Variants in SAMD3 observed in about 807,000 individuals in gnomAD.
The protein encoded by SAMD3 is sterile alpha motif domain-containing protein 3.
Under a neutral mutation model 58.5 loss-of-function variants are expected in SAMD3, and 63 were observed. The ratio of observed to expected loss-of-function variants is 1.08; its 90% CI spans 0.88 to 1.33. The LOEUF is 1.33. Among genes scored for constraint, SAMD3 ranks in the 40% most tolerant of loss-of-function variants. The pLI, the probability that SAMD3 is intolerant of heterozygous loss-of-function variation, is 0.00. For synonymous variants in SAMD3, 220 were observed against 210.3 expected, an observed-to-expected ratio of 1.05 and a Z score of -0.40; for missense variants, 604 against 608.4, an observed-to-expected ratio of 0.99 and a Z score of 0.08.
intron 1 of SAMD3, among the ~76,000 whole-genome samples, chr6:130,220,376 G>T (rs919102145): frequency 5.3e-5 from 8 of 152,194 alleles, no homozygotes; most frequent in African/African-American, 1.9e-4. Flanking sequence ...AAATAGCAAT[G>T]AGCCAGAGTC....
At chr6:130,253,762 G>A (rs1284395250) in intron 2 of SAMD3, among the ~76,000 whole-genome samples, 1 of 151,080 alleles carries the variant, frequency 6.6e-6, no homozygotes, top group Non-Finnish European at 1.5e-5. Flanking sequence ...TTTTTTGGTG[G>A]AGGGGGGTAT....
Position 130,145,340 on chromosome 6 carries a change from C to T in SAMD3, c.1278G>A (p.Gln426=). The T allele has an allele frequency of 6.3e-7, 1 of 1,588,516 alleles. No homozygotes were observed. The highest frequency in any genetic ancestry group is 8.6e-7 in the Non-Finnish European group (1 of 1,158,370). ...TAGTGGCCATTCACATACTACATAC[C>T]TGTTCATTCATGATGACAAAAAGGC... The part of the protein sequence containing the change: ...DPSLFVIMNE[Q]VQVSTPVLEV... The change falls in exon 11 of 12, where the codon CAG becomes CAA. Residue 426 remains glutamine, a splice_region_variant and synonymous_variant. Transcript: ENST00000439090.
At chr6:130,269,040 C>T (rs1774461587) in intron 2 of SAMD3, among the ~76,000 whole-genome samples, 1 of 152,100 alleles carries the variant, frequency 6.6e-6, no homozygotes. Context: ...TTGCCTAGCC[C>T]TAGTTCCCGA....
chr6:130,150,346 A>G (rs1483570701), intron 9 of SAMD3, among the ~76,000 whole-genome samples: 1 of 152,196 alleles, frequency 6.6e-6, no homozygotes, highest in Non-Finnish European at 1.5e-5. Context: ...ATCAGCATCC[A>G]GCATACAGTG....
chr6:130,226,805 G>A (rs113419765), upstream of SAMD3, among the ~76,000 whole-genome samples: 4,939 of 152,076 alleles, frequency 0.032, 114 homozygotes, highest in South Asian at 0.047. Context: ...TCCAGCCTGG[G>A]CGATAAGAGC....
intron 2 of SAMD3, among the ~76,000 whole-genome samples, chr6:130,296,032 C>T (rs777580048): frequency 2.0e-5 from 3 of 152,322 alleles, no homozygotes; most frequent in Middle Eastern, 3.4e-3. Flanking sequence ...CGCTTCTTCC[C>T]TTCCTCTTCA....
intron 2 of SAMD3, among the ~76,000 whole-genome samples, chr6:130,252,509 G>A (rs1180078368): frequency 1.3e-5 from 2 of 152,170 alleles, no homozygotes; most frequent in African/African-American, 4.8e-5. Context: ...ATAGCTCACT[G>A]GGGGGTGAAA....
intron 1 of SAMD3, among the ~76,000 whole-genome samples, chr6:130,344,687 C>A (rs1021086696): frequency 1.3e-5 from 2 of 152,042 alleles, no homozygotes; most frequent in Non-Finnish European, 2.9e-5. Context: ...TGGAGCCCAG[C>A]CATTCCCTGG....
chr6:130,363,821 A>G (rs888165864), intron 1 of SAMD3, among the ~76,000 whole-genome samples: 10 of 152,248 alleles, frequency 6.6e-5, no homozygotes, highest in African/African-American at 2.2e-4. Flanking sequence ...TTATGTGTGA[A>G]GTGCAGTGCT....
intron 6 of SAMD3, 89 bp from the exon 7 acceptor site, chr6:130,184,276 C>T: frequency 3.2e-6 from 4 of 1,250,066 alleles, no homozygotes; most frequent in South Asian, 2.9e-5. Context: ...CATTTTTCTT[C>T]ACATTTTTCT....
chr6:130,350,200 T>C (rs1371110265), intron 1 of SAMD3, among the ~76,000 whole-genome samples: 1 of 152,150 alleles, frequency 6.6e-6, no homozygotes, highest in Non-Finnish European at 1.5e-5. Context: ...CTATTCAACA[T>C]AGTGTTAGAA....
At chr6:130,329,708 A>C (rs1033969949) in intron 1 of SAMD3, among the ~76,000 whole-genome samples, 2 of 152,206 alleles carry the variant, frequency 1.3e-5, no homozygotes, top group Non-Finnish European at 2.9e-5. Flanking sequence ...AATGTGGCAC[A>C]TATATGTCAT....
At chr6:130,317,506 T>A (rs1426869781) in intron 1 of SAMD3, among the ~76,000 whole-genome samples, 1 of 152,198 alleles carries the variant, frequency 6.6e-6, no homozygotes, top group African/African-American at 2.4e-5. Flanking sequence ...AATGCTGTAA[T>A]AGGGTTCATT....
chr6:130,295,001 G>A (rs758912918), intron 2 of SAMD3, among the ~76,000 whole-genome samples: 3 of 127,024 alleles, frequency 2.4e-5, no homozygotes, highest in Non-Finnish European at 3.1e-5. Flanking sequence ...TCACCTTTCC[G>A]CAACCTCTGC....
At chr6:130,190,486 C>T (rs1353972997) in intron 5 of SAMD3, among the ~76,000 whole-genome samples, 1 of 151,206 alleles carries the variant, frequency 6.6e-6, no homozygotes, top group Non-Finnish European at 1.5e-5. Context: ...GAAAATTTAG[C>T]AAAGAAATAG....
chr6:130,264,646 T>C (rs1032929432), intron 2 of SAMD3, among the ~76,000 whole-genome samples: 2 of 152,222 alleles, frequency 1.3e-5, no homozygotes, highest in African/African-American at 2.4e-5. Flanking sequence ...CTGCAAGGAA[T>C]ACCAGATCAA....
chr6:130,267,618 C>T (rs991862033), intron 2 of SAMD3, among the ~76,000 whole-genome samples: 7 of 152,178 alleles, frequency 4.6e-5, no homozygotes, highest in Non-Finnish European at 1.0e-4. Flanking sequence ...AGACCCAAAA[C>T]CAAGGAACCA....
chr6:130,359,126 A>T (rs1249533198), intron 1 of SAMD3, among the ~76,000 whole-genome samples: 1 of 152,228 alleles, frequency 6.6e-6, no homozygotes, highest in Non-Finnish European at 1.5e-5. Context: ...AAAGACTATT[A>T]TGAAGAGTTA....
intron 2 of SAMD3, among the ~76,000 whole-genome samples, chr6:130,308,350 A>ATTCTATTCTATTCT (rs1775980565): frequency 3.5e-4 from 4 of 11,408 alleles, no homozygotes; most frequent in Admixed American, 1.7e-3. Flanking sequence ...AGTTCATAGA[A>ATTCTATTCTATTCT]TTCTATTCTA....
Sources: allele counts gnomAD v4.1 joint callset (sites outside exome capture counted in the v4.1 genomes callset), GRCh38; gene constraint gnomAD v4.1.1; transcripts MANE v1.5; gene names NCBI Gene and HGNC (gene_info 2026-07-23, HGNC 2026-07-21).